Variants in SLC26A7 observed in about 807,000 individuals in gnomAD.
SLC26A7 encodes the protein solute carrier family 26 member 7.
A neutral mutation model predicts 82.5 loss-of-function variants in SLC26A7; 59 were observed. That is an observed-to-expected ratio of 0.72 (90% CI 0.58 to 0.89). SLC26A7 has a LOEUF of 0.89. Ranked by LOEUF, SLC26A7 falls within the 40% of genes least tolerant of loss-of-function variation. The probability of loss-of-function intolerance (pLI) is 0.00; values close to 1 mark genes in which losing one functional copy is unlikely to be tolerated. For missense variants in SLC26A7, 820 were observed against 793.0 expected, an observed-to-expected ratio of 1.03 and a Z score of -0.41; for synonymous variants, 271 against 274.3, an observed-to-expected ratio of 0.99 and a Z score of 0.12.
intron 7 of SLC26A7, among the ~76,000 whole-genome samples, chr8:91,339,669 A>T (rs1249999282): frequency 6.8e-6 from 1 of 147,716 alleles, no homozygotes; most frequent in African/African-American, 2.6e-5. Flanking sequence ...TATTTAATTT[A>T]TTTTTTGGGT....
intron 2 of SLC26A7, among the ~76,000 whole-genome samples, chr8:91,228,576 A>G (rs1008008284): frequency 2.6e-5 from 4 of 152,180 alleles, no homozygotes. Flanking sequence ...CGGCCACTTT[A>G]TGGGAAGTTA....
At chr8:91,392,325 G>A (rs750688321) in intron 16 of SLC26A7, among the ~76,000 whole-genome samples, 3 of 152,052 alleles carry the variant, frequency 2.0e-5, no homozygotes, top group Non-Finnish European at 2.9e-5. Flanking sequence ...TATCATCTAT[G>A]TACTAGTTCT....
At chr8:91,248,076 G>A (rs535641447), upstream of SLC26A7, among the ~76,000 whole-genome samples, 11 of 152,254 alleles carry the variant, frequency 7.2e-5, no homozygotes, top group African/African-American at 2.6e-4. Context: ...CTCATACCAA[G>A]AGGATAGGAT....
chr8:91,317,751 C>G lies in SLC26A7; in HGVS notation c.478-465C>G, dbSNP rs903533279. On this transcript the variant is annotated intron_variant, in intron 4 of 18. Coordinates refer to ENST00000276609, the MANE Select transcript of SLC26A7 (RefSeq NM_052832.4). ...TTAAAATTTTAAATTACAGATATAGCAAGGCAAATTCAATTTTTCTTCCAC... is the reference window on the plus strand; with the variant it reads ...TTAAAATTTTAAATTACAGATATAGGAAGGCAAATTCAATTTTTCTTCCAC... Among the ~76,000 whole-genome samples, 7 of 151,936 alleles carry G rather than the reference C, an allele frequency of 4.6e-5. No homozygotes were observed. In the South Asian group the frequency reaches 1.5e-3, roughly 32 times the overall value.
chr8:91,364,458 C>T (rs561575465), intron 13 of SLC26A7, among the ~76,000 whole-genome samples: 37 of 152,172 alleles, frequency 2.4e-4, no homozygotes, highest in Non-Finnish European at 5.0e-4. Context: ...ATTTGTTTCA[C>T]AGAATGCTAT....
At chr8:91,313,421 C>T (rs1304479817) in intron 4 of SLC26A7, among the ~76,000 whole-genome samples, 1 of 152,154 alleles carries the variant, frequency 6.6e-6, no homozygotes, top group Non-Finnish European at 1.5e-5. Context: ...ATGAATCCTT[C>T]AGCTTTGTTC....
chr8:91,246,242 G>T (rs929895672), upstream of SLC26A7, among the ~76,000 whole-genome samples: 1 of 152,186 alleles, frequency 6.6e-6, no homozygotes, highest in Non-Finnish European at 1.5e-5. Context: ...TGAATCCAAT[G>T]TCTGCAGCTC....
intron 4 of SLC26A7, among the ~76,000 whole-genome samples, chr8:91,301,178 T>A (rs1812155004): frequency 6.6e-6 from 1 of 152,226 alleles, no homozygotes; most frequent in Non-Finnish European, 1.5e-5. Flanking sequence ...TTTTCTTTAG[T>A]GGTACTGGAC....
At chr8:91,222,771 G>A (rs1037203670) in intron 2 of SLC26A7, among the ~76,000 whole-genome samples, 17 of 152,138 alleles carry the variant, frequency 1.1e-4, no homozygotes, top group Non-Finnish European at 2.4e-4. Flanking sequence ...GTTTTACTGA[G>A]GATTTTCGCA....
intron 15 of SLC26A7, among the ~76,000 whole-genome samples, chr8:91,380,868 C>T (rs1415757355): frequency 1.3e-5 from 2 of 152,068 alleles, no homozygotes; most frequent in Non-Finnish European, 2.9e-5. Flanking sequence ...TGTAACTGTC[C>T]AAACCTGGAA....
chr8:91,350,588 T>C (rs1019208596), intron 9 of SLC26A7, among the ~76,000 whole-genome samples: 6 of 152,114 alleles, frequency 3.9e-5, no homozygotes, highest in Non-Finnish European at 8.8e-5. Context: ...CAGAAAGTCA[T>C]ATATATGAAA....
At chr8:91,250,860 T>G (rs1287080348) in intron 2 of SLC26A7, among the ~76,000 whole-genome samples, 3 of 152,136 alleles carry the variant, frequency 2.0e-5, no homozygotes, top group Non-Finnish European at 4.4e-5. Flanking sequence ...ACTGTCATAC[T>G]TTATAGGATT....
chr8:91,382,448 C>T (rs1814693724), intron 15 of SLC26A7, among the ~76,000 whole-genome samples: 1 of 152,152 alleles, frequency 6.6e-6, no homozygotes, highest in African/African-American at 2.4e-5. Flanking sequence ...GAACTATCTC[C>T]CTTTTCTTCC....
chr8:91,340,446 G>C lies in SLC26A7; in HGVS notation c.921G>C (p.Ala307=), dbSNP rs146029279. 16 of 1,613,872 alleles carry C rather than the reference G, an allele frequency of 9.9e-6. No individual in the cohort carries two copies. The highest frequency in any genetic ancestry group is 1.4e-5 in the Non-Finnish European group (16 of 1,179,912). Residue 307 remains alanine (A), a synonymous_variant, in exon 8 of 19, where the codon GCG becomes GCC. Coordinates refer to ENST00000276609, the MANE Select transcript of SLC26A7 (RefSeq NM_052832.4). ...CTCCCCCGATGAACATCCTCTCTGCGGTGATCACTGAAGCTTTCGGAGTGG... is the reference window on the plus strand; with the variant it reads ...CTCCCCCGATGAACATCCTCTCTGCCGTGATCACTGAAGCTTTCGGAGTGG... ...PRAPPMNILS[A]VITEAFGVAL... is the part of the protein sequence containing the mutation.
At chr8:91,318,106 T>C in intron 4 of SLC26A7, 110 bp from the exon 5 acceptor site, 1 of 914,960 alleles carries the variant, frequency 1.1e-6, no homozygotes. Context: ...TACATGTCAG[T>C]TCTCTATGAT....
intron 15 of SLC26A7, among the ~76,000 whole-genome samples, chr8:91,383,186 CA>C (rs1814711392): frequency 6.6e-6 from 1 of 152,072 alleles, no homozygotes; most frequent in Non-Finnish European, 1.5e-5. Flanking sequence ...ATGAAGGACT[CA>C]GAAGAGATTT....
chr8:91,339,591 A>G (rs1813342234), intron 7 of SLC26A7, among the ~76,000 whole-genome samples: 1 of 152,028 alleles, frequency 6.6e-6, no homozygotes, highest in Non-Finnish European at 1.5e-5. Flanking sequence ...AAAAATCAAC[A>G]TGAATTCTCT....
At position 91,318,303 on chromosome 8, in the gene SLC26A7, C is replaced by G; in HGVS notation, c.565C>G (p.His189Asp). The change falls in exon 5 of 19, where the codon CAT becomes GAT. Residue 189 changes from histidine to aspartate, a missense_variant. By Grantham distance (81) the His-to-Asp change is moderately conservative. Coordinates refer to ENST00000276609, the MANE Select transcript of SLC26A7 (RefSeq NM_052832.4). ...ISAMTTGAAT[H>D]VVTSQVKYLL... ...CGCAATGACAACTGGGGCTGCCACC[C>G]ATGTGGTGACTTCACAAGTCAAATA... is the stretch of plus-strand genomic sequence containing the variant. 6.2e-7 allele frequency: 1 copy of G among 1,612,082 alleles called. No individual in the cohort carries two copies. Among genetic ancestry groups the G allele is most frequent in the Non-Finnish European group, 8.5e-7 (1 of 1,179,006 alleles).
At chr8:91,328,171 A>G (rs1812985008) in intron 5 of SLC26A7, among the ~76,000 whole-genome samples, 1 of 152,064 alleles carries the variant, frequency 6.6e-6, no homozygotes, top group Non-Finnish European at 1.5e-5. Context: ...GAGTGGATAA[A>G]CTTTGGATTT....
Sources: gnomAD v4.1 joint callset for allele counts (sites outside exome capture counted in the v4.1 genomes callset) on GRCh38, gnomAD v4.1.1 for gene constraint, MANE v1.5 for transcripts, NCBI Gene and HGNC (gene_info 2026-07-23, HGNC 2026-07-21) for gene names.